SLC24A4: variants seen among roughly 807,000 people sequenced by gnomAD.
The protein encoded by SLC24A4 is sodium/potassium/calcium exchanger 4.
In SLC24A4, 53 loss-of-function variants were observed where a neutral mutation model predicts 79.0. The observed-to-expected ratio is 0.67, with a 90% CI of 0.54 to 0.84. The LOEUF (loss-of-function observed/expected upper bound fraction) is 0.84, where lower values mean the gene tolerates loss of function less well. Ranked by LOEUF, SLC24A4 falls within the 40% of genes least tolerant of loss-of-function variation. The pLI is 0.00. For synonymous variants in SLC24A4, 323 were observed against 323.8 expected, an observed-to-expected ratio of 1.00 and a Z score of 0.03; for missense variants, 731 against 822.0, an observed-to-expected ratio of 0.89 and a Z score of 1.35.
intron 2 of SLC24A4, among the ~76,000 whole-genome samples, chr14:92,366,907 A>G (rs72693202): frequency 0.069 from 10,529 of 152,222 alleles, 463 homozygotes; most frequent in Admixed American, 0.093. Flanking sequence ...GCCCAAGGTC[A>G]TACAACTAGT....
intron 13 of SLC24A4, among the ~76,000 whole-genome samples, chr14:92,485,906 A>T (rs1014668210): frequency 1.3e-5 from 2 of 152,158 alleles, no homozygotes; most frequent in Non-Finnish European, 2.9e-5. Flanking sequence ...ACTCTTACCT[A>T]TGGGTTTGAA....
At chr14:92,482,625 T>C in intron 12 of SLC24A4, 55 bp from the exon 13 acceptor site, 2 of 1,508,722 alleles carry the variant, frequency 1.3e-6, no homozygotes, top group Non-Finnish European at 1.8e-6. Context: ...GGCAGGTGTG[T>C]TACCCAGTGT....
intron 2 of SLC24A4, among the ~76,000 whole-genome samples, chr14:92,378,503 G>A (rs955999296): frequency 2.6e-5 from 4 of 152,170 alleles, no homozygotes; most frequent in African/African-American, 9.7e-5. Flanking sequence ...GAGCATCTTT[G>A]TGTGTTTTGG....
intron 2 of SLC24A4, among the ~76,000 whole-genome samples, chr14:92,430,393 T>C (rs1891800495): frequency 6.6e-6 from 1 of 152,232 alleles, no homozygotes; most frequent in African/African-American, 2.4e-5. Context: ...TGGAGCTTTT[T>C]GTGTGTAAAG....
chr14:92,354,311 C>T (rs554020332), intron 2 of SLC24A4, among the ~76,000 whole-genome samples: 4 of 152,134 alleles, frequency 2.6e-5, no homozygotes, highest in South Asian at 2.1e-4. Context: ...CCACCATGCC[C>T]GGCTATTTTT....
intron 2 of SLC24A4, among the ~76,000 whole-genome samples, chr14:92,349,684 A>G (rs1188669517): frequency 1.3e-5 from 2 of 152,224 alleles, no homozygotes; most frequent in Non-Finnish European, 2.9e-5. Context: ...CAACACCTCA[A>G]GGACCCCTCA....
intron 2 of SLC24A4, among the ~76,000 whole-genome samples, chr14:92,368,513 A>T (rs1049282240): frequency 6.6e-6 from 1 of 152,230 alleles, no homozygotes; most frequent in African/African-American, 2.4e-5. Context: ...ACACAGGCTC[A>T]CTGCTGAAGG....
chr14:92,388,289 A>G (rs1429069151), intron 2 of SLC24A4, among the ~76,000 whole-genome samples: 1 of 152,186 alleles, frequency 6.6e-6, no homozygotes, highest in Admixed American at 6.5e-5. Context: ...GGTGTGACGC[A>G]TAAAGGAGAT....
At chr14:92,420,040 T>A (rs1231300810) in intron 2 of SLC24A4, among the ~76,000 whole-genome samples, 1 of 152,158 alleles carries the variant, frequency 6.6e-6, no homozygotes, top group Non-Finnish European at 1.5e-5. Context: ...TGGGGTGATC[T>A]GGGCCCACAA....
intron 2 of SLC24A4, among the ~76,000 whole-genome samples, chr14:92,428,006 A>C (rs1891661918): frequency 6.6e-6 from 1 of 152,200 alleles, no homozygotes; most frequent in Non-Finnish European, 1.5e-5. Flanking sequence ...CAGACACCGA[A>C]TCTGCCAGTG....
intron 2 of SLC24A4, among the ~76,000 whole-genome samples, chr14:92,373,989 A>T (rs570855142): frequency 8.9e-4 from 135 of 152,204 alleles, no homozygotes; most frequent in Admixed American, 1.5e-3. Flanking sequence ...ATTCATAAAT[A>T]TATCAGTCAG....
intron 2 of SLC24A4, among the ~76,000 whole-genome samples, chr14:92,387,366 G>A (rs1419265487): frequency 5.9e-5 from 9 of 151,796 alleles, no homozygotes; most frequent in East Asian, 1.9e-4. Context: ...TAGTAGAGAC[G>A]GGGTTTTGCC....
chr14:92,455,025 G>A (rs1379320997), intron 11 of SLC24A4, among the ~76,000 whole-genome samples: 4 of 152,174 alleles, frequency 2.6e-5, no homozygotes, highest in South Asian at 2.1e-4. Flanking sequence ...ATATATAGCC[G>A]GGAAAGGAAT....
At chr14:92,416,206 G>A (rs986691734) in intron 2 of SLC24A4, among the ~76,000 whole-genome samples, 1 of 151,942 alleles carries the variant, frequency 6.6e-6, no homozygotes, top group African/African-American at 2.4e-5. Flanking sequence ...TAGATGTGAG[G>A]CCTAACGTGC....
intron 2 of SLC24A4, among the ~76,000 whole-genome samples, chr14:92,419,618 T>C (rs1891170194): frequency 6.6e-6 from 1 of 152,226 alleles, no homozygotes; most frequent in Non-Finnish European, 1.5e-5. Context: ...TGTGACACTT[T>C]TGATAGAAGG....
chr14:92,381,588 C>T (rs1013524658), intron 2 of SLC24A4, among the ~76,000 whole-genome samples: 3 of 151,990 alleles, frequency 2.0e-5, no homozygotes, highest in African/African-American at 7.3e-5. Context: ...TTCTATGTAT[C>T]CTAGAACTTA....
intron 7 of SLC24A4, 87 bp downstream of exon 7, chr14:92,443,561 T>A: frequency 1.5e-6 from 2 of 1,371,184 alleles, no homozygotes; most frequent in Non-Finnish European, 2.1e-6. Flanking sequence ...CCTGGCACTG[T>A]GACCAGAGAG....
intron 2 of SLC24A4, among the ~76,000 whole-genome samples, chr14:92,400,615 G>A (rs544920507): frequency 1.3e-5 from 2 of 152,178 alleles, no homozygotes; most frequent in Admixed American, 6.5e-5. Context: ...CCCCAGTTAG[G>A]CATGCCCATC....
At chr14:92,374,458 G>A (rs905193016) in intron 2 of SLC24A4, among the ~76,000 whole-genome samples, 1 of 152,226 alleles carries the variant, frequency 6.6e-6, no homozygotes, top group Non-Finnish European at 1.5e-5. Context: ...AAGTCACAAA[G>A]CTGATTGTAA....
Sources: allele counts gnomAD v4.1 joint callset (sites outside exome capture counted in the v4.1 genomes callset), GRCh38; gene constraint gnomAD v4.1.1; transcripts MANE v1.5; gene names NCBI Gene and HGNC (gene_info 2026-07-23, HGNC 2026-07-21).